NT5DC3: variants seen among roughly 807,000 people sequenced by gnomAD.
NT5DC3 encodes the protein 5'-nucleotidase domain-containing protein 3.
A neutral mutation model predicts 67.8 loss-of-function variants in NT5DC3; 42 were observed. The observed-to-expected ratio is 0.62, with a 90% CI of 0.48 to 0.80. The LOEUF is 0.80. NT5DC3 is among the 30% of genes least tolerant of loss of function. The probability of loss-of-function intolerance (pLI) is 0.00; values close to 1 mark genes in which losing one functional copy is unlikely to be tolerated. For synonymous variants in NT5DC3, 237 were observed against 255.6 expected (o/e 0.93, Z 0.69); for missense variants, 570 against 696.4 (o/e 0.82, Z 2.04).
At chr12:103,808,158 T>C (rs1886881615) in intron 2 of NT5DC3, among the ~76,000 whole-genome samples, 1 of 152,262 alleles carries the variant, frequency 6.6e-6, no homozygotes, top group South Asian at 2.1e-4. Flanking sequence ...ATGGCACTGA[T>C]CTGTGGGCAC....
Position 103,840,836 on chromosome 12 carries a change from T to A in NT5DC3, c.208+113A>T, listed in dbSNP as rs1236117566. The A allele has an allele frequency of 6.3e-5, 28 of 447,712 alleles. 1 individual carries two copies. In the East Asian group the frequency reaches 1.0e-3, roughly 17 times the overall value. The allele number at this position is 447,712 out of a possible 1,614,324, so 27.7% of individuals were successfully genotyped here. ...GGGTGTGGGCACCGGGGTTCGCGAC[T>A]GGAGGCCCTGGAGGTCCGCAGCTGG... On this transcript the variant is annotated intron_variant, in intron 1 of 13. Transcript: ENST00000392876.
chr12:103,790,132 T>A (rs1252367421), intron 9 of NT5DC3, among the ~76,000 whole-genome samples: 1 of 152,092 alleles, frequency 6.6e-6, no homozygotes, highest in Non-Finnish European at 1.5e-5. Context: ...GGAGAAAGGG[T>A]CTCACTCTGT....
Position 103,830,446 on chromosome 12 carries a change from T to G in NT5DC3, c.208+10503A>C, listed in dbSNP as rs1258286758. On this transcript the variant is annotated intron_variant, in intron 1 of 13. Transcript: ENST00000392876. ...TTTGTTTTGGAAAACTCTGAGCAATTTTTTCTTTGAGTGTTTTCTCTCCCC... is the reference window on the plus strand; with the variant it reads ...TTTGTTTTGGAAAACTCTGAGCAATGTTTTCTTTGAGTGTTTTCTCTCCCC... Among the ~76,000 whole-genome samples the G allele has an allele frequency of 6.6e-5, 10 of 152,178 alleles. No individual in the cohort carries two copies. In the East Asian group the frequency reaches 1.9e-3, roughly 29 times the overall value.
intron 4 of NT5DC3, among the ~76,000 whole-genome samples, chr12:103,802,926 G>A (rs975263023): frequency 6.6e-6 from 1 of 152,190 alleles, no homozygotes; most frequent in African/African-American, 2.4e-5. Flanking sequence ...AGCCATCCAG[G>A]CATTCAGAGG....
chr12:103,832,317 C>T (rs1381613513), intron 1 of NT5DC3, among the ~76,000 whole-genome samples: 1 of 151,842 alleles, frequency 6.6e-6, no homozygotes, highest in African/African-American at 2.4e-5. Flanking sequence ...TTTCCAAACC[C>T]GGCCTGTAAA....
the NT5DC3 span, chr12:103,748,927 G>T: frequency 4.4e-6 from 7 of 1,590,082 alleles, no homozygotes; most frequent in Non-Finnish European, 6.0e-6. Context: ...TCCACAGAAG[G>T]TGGTAAGTTG....
At position 103,793,162 on chromosome 12, in the gene NT5DC3, A is replaced by T; in HGVS notation, c.1019+2T>A. The T allele has an allele frequency of 6.3e-7, 1 of 1,582,320 alleles. No individual in the cohort carries two copies. On this transcript the variant is annotated splice_donor_variant, in intron 9 of 13. Coordinates refer to ENST00000392876, the MANE Select transcript of NT5DC3 (RefSeq NM_001031701.3). LOFTEE classifies it high-confidence loss of function. ...TAGTCCCCTAGAAAAATAAACACTCACCTCCGCTTATCATTAAAGAAGTTT... is the reference window on the plus strand; with the variant it reads ...TAGTCCCCTAGAAAAATAAACACTCTCCTCCGCTTATCATTAAAGAAGTTT...
At chr12:103,765,575 C>T (rs1884883552), downstream of NT5DC3, among the ~76,000 whole-genome samples, 3 of 152,190 alleles carry the variant, frequency 2.0e-5, no homozygotes, top group South Asian at 6.2e-4. Flanking sequence ...TAGAGTGTGG[C>T]CTTTTTTAGG....
In NT5DC3 at chr12:103,775,564, A is replaced by G. The variant is rs1290261320; in HGVS notation, c.*2265T>C. ...GCATTCTTTTAGAACCCCGACACCGAGCAGTTCTGGGCGCAACACACACCC... is the reference window on the plus strand; with the variant it reads ...GCATTCTTTTAGAACCCCGACACCGGGCAGTTCTGGGCGCAACACACACCC... On this transcript the variant is annotated 3_prime_UTR_variant, in exon 14 of 14. Transcript: ENST00000392876. The G allele has an allele frequency of 1.3e-5, 2 of 152,164 alleles. No homozygotes were observed. Among genetic ancestry groups the G allele is most frequent in the East Asian group, 3.8e-4 (2 of 5,198 alleles). The allele number at this position is 152,164 out of a possible 1,614,324, so 9.4% of individuals were successfully genotyped here. A position where few individuals can be genotyped will look rare whatever the true frequency, so the allele number is the denominator to read the frequency against.
intron 1 of NT5DC3, among the ~76,000 whole-genome samples, chr12:103,820,573 T>C (rs1247025634): frequency 6.6e-6 from 1 of 152,202 alleles, no homozygotes; most frequent in Admixed American, 6.5e-5. Flanking sequence ...TCAGAAATGC[T>C]AAATGACTCT....
At chr12:103,809,368 G>A (rs1045734957) in intron 2 of NT5DC3, among the ~76,000 whole-genome samples, 2 of 152,210 alleles carry the variant, frequency 1.3e-5, no homozygotes, top group African/African-American at 4.8e-5. Context: ...CATTCCGCTT[G>A]CCTCTCACTC....
intron 1 of NT5DC3, among the ~76,000 whole-genome samples, chr12:103,831,018 C>G (rs1471270730): frequency 6.6e-6 from 1 of 152,212 alleles, no homozygotes; most frequent in Non-Finnish European, 1.5e-5. Flanking sequence ...AGAGTTTGCA[C>G]TGGCTTCTAC....
chr12:103,839,819 T>C, intron 1 of NT5DC3, among the ~76,000 whole-genome samples: 1 of 152,136 alleles, frequency 6.6e-6, no homozygotes, highest in East Asian at 1.9e-4. Flanking sequence ...TCATTTTACG[T>C]CCCCTCTGAA....
At chr12:103,810,211 T>C (rs1886972458) in intron 2 of NT5DC3, among the ~76,000 whole-genome samples, 1 of 152,200 alleles carries the variant, frequency 6.6e-6, no homozygotes, top group South Asian at 2.1e-4. Context: ...TCGAACCATT[T>C]TGACTAGGGT....
At chr12:103,790,970 T>C (rs1316132393) in intron 9 of NT5DC3, among the ~76,000 whole-genome samples, 1 of 152,132 alleles carries the variant, frequency 6.6e-6, no homozygotes, top group African/African-American at 2.4e-5. Flanking sequence ...ATTATAGGCG[T>C]GAGCCACCGC....
intron 1 of NT5DC3, among the ~76,000 whole-genome samples, chr12:103,836,100 A>G (rs550378231): frequency 5.9e-5 from 9 of 152,308 alleles, no homozygotes; most frequent in Admixed American, 3.9e-4. Context: ...GGTCCCTCCC[A>G]CAACATGTGG....
intron 1 of NT5DC3, among the ~76,000 whole-genome samples, chr12:103,816,312 T>C (rs953978785): frequency 6.6e-6 from 1 of 152,280 alleles, no homozygotes; most frequent in African/African-American, 2.4e-5. Flanking sequence ...GACTATCATG[T>C]CAGCATGCAA....
chr12:103,782,059 A>G (rs1272641180), intron 12 of NT5DC3, among the ~76,000 whole-genome samples: 2 of 152,230 alleles, frequency 1.3e-5, no homozygotes. Flanking sequence ...GGGGGAAAAA[A>G]AACTCAAAAG....
chr12:103,747,454 C>T, the NT5DC3 span, among the ~76,000 whole-genome samples: 1 of 152,180 alleles, frequency 6.6e-6, no homozygotes, highest in Non-Finnish European at 1.5e-5. Context: ...GCTCTGCCAT[C>T]GTTCACTCAC....
Sources: allele counts gnomAD v4.1 joint callset (sites outside exome capture counted in the v4.1 genomes callset), GRCh38; gene constraint gnomAD v4.1.1; transcripts MANE v1.5; gene names NCBI Gene and HGNC (gene_info 2026-07-23, HGNC 2026-07-21).